Variants in SLC12A7 observed in about 807,000 individuals in gnomAD.
SLC12A7 encodes the protein solute carrier family 12 member 7.
A neutral mutation model predicts 120.6 loss-of-function variants in SLC12A7; 100 were observed. The observed-to-expected ratio is 0.83, with a 90% CI of 0.71 to 0.98. The LOEUF (loss-of-function observed/expected upper bound fraction) is 0.98, where lower values mean the gene tolerates loss of function less well. Ranked by LOEUF, SLC12A7 falls within the 50% of genes least tolerant of loss-of-function variation. The pLI is 0.00. For synonymous variants in SLC12A7, 760 were observed against 678.0 expected, an observed-to-expected ratio of 1.12 and a Z score of -1.88; for missense variants, 1,373 against 1,548.1, an observed-to-expected ratio of 0.89 and a Z score of 1.90.
At chr5:1,092,561 T>C (rs1740639359) in intron 3 of SLC12A7, among the ~76,000 whole-genome samples, 1 of 152,146 alleles carries the variant, frequency 6.6e-6, no homozygotes, top group South Asian at 2.1e-4. Flanking sequence ...ATAGGGGAAT[T>C]TAAAAATCAC....
chr5:1,104,119 C>CT (rs1258473359), intron 1 of SLC12A7, among the ~76,000 whole-genome samples: 1 of 152,190 alleles, frequency 6.6e-6, no homozygotes, highest in Non-Finnish European at 1.5e-5. Context: ...GCCTGGCGCA[C>CT]TTCCCTCCTC....
chr5:1,090,804 G>C (rs1294525677), intron 3 of SLC12A7, among the ~76,000 whole-genome samples: 2 of 152,236 alleles, frequency 1.3e-5, no homozygotes, highest in South Asian at 4.1e-4. Context: ...GGCATGGCCG[G>C]CCTTGGCCTC....
chr5:1,142,065 G>C, the SLC12A7 span, among the ~76,000 whole-genome samples: 8 of 151,910 alleles, frequency 5.3e-5, no homozygotes, highest in Non-Finnish European at 4.4e-5. Flanking sequence ...CTAGAGGCGG[G>C]GCAGGTGGCG....
At chr5:1,058,828 C>T (rs965103907) in intron 21 of SLC12A7, among the ~76,000 whole-genome samples, 76 of 152,210 alleles carry the variant, frequency 5.0e-4, no homozygotes, top group Non-Finnish European at 7.6e-4. Flanking sequence ...CCACCTGGCC[C>T]GAGGGCCACC....
intron 5 of SLC12A7, 79 bp from the exon 6 acceptor site, chr5:1,087,112 A>G (rs968403710): frequency 2.0e-6 from 3 of 1,488,048 alleles, no homozygotes; most frequent in Non-Finnish European, 9.0e-7. Flanking sequence ...GCTGCCATTC[A>G]CGGGCAAAGG....
Position 1,085,395 on chromosome 5 carries a change from G to C in SLC12A7, c.754C>G (p.Arg252Gly), listed in dbSNP as rs762241589. 1 of 1,611,380 alleles carries C rather than the reference G, an allele frequency of 6.2e-7. No individual in the cohort carries two copies. The highest frequency in any genetic ancestry group is 1.7e-5 in the Admixed American group (1 of 59,860). ...ACGAGCGTGCACGTGCCGTACACACGCATGTTGTGCAGCATGGCGGCCGCC... is the reference window on the plus strand; with the variant it reads ...ACGAGCGTGCACGTGCCGTACACACCCATGTTGTGCAGCATGGCGGCCGCC... ...GEAAAMLHNM[R>G]VYGTCTLVLM... Residue 252 changes from arginine to glycine, a missense_variant, in exon 7 of 24, where the codon CGT becomes GGT. Physicochemically the swap from Arg to Gly is moderately radical, Grantham distance 125. Transcript: ENST00000264930.
chr5:1,077,410 C>A (rs369395052), intron 12 of SLC12A7, among the ~76,000 whole-genome samples: 13 of 152,298 alleles, frequency 8.5e-5, no homozygotes, highest in African/African-American at 3.1e-4. Context: ...AGGACCCATG[C>A]GGGCGTCCGT....
Position 1,053,413 on chromosome 5 carries a change from CT to C in SLC12A7, c.3095del (p.Gln1032ArgfsTer30). The C allele has an allele frequency of 6.2e-7, 1 of 1,614,030 alleles. No individual in the cohort carries two copies. The highest frequency in any genetic ancestry group is 8.5e-7 in the Non-Finnish European group (1 of 1,180,016). Reference protein sequence around the residue: ...KLNGVVLNKSQDAQLVLLNMP... With the variant: ...KLNGVVLNKSXDAQLVLLNMP... ...TGTTGAGCAGGACCAGCTGCGCATC[CT>C]GGGACTTGTTGAGGACGACGCCATT... On this transcript the variant is annotated frameshift_variant, in exon 23 of 24. Transcript: ENST00000264930. LOFTEE classifies it high-confidence loss of function.
chr5:1,119,569 T>C, the SLC12A7 span, among the ~76,000 whole-genome samples: 1 of 152,226 alleles, frequency 6.6e-6, no homozygotes, highest in Non-Finnish European at 1.5e-5. Context: ...TGGTCCTGGT[T>C]GGGCGGTGAG....
In SLC12A7 at chr5:1,094,251, A is replaced by G; in HGVS notation, c.125-3T>C. The G allele has an allele frequency of 1.9e-6, 3 of 1,607,074 alleles. No individual in the cohort carries two copies. The highest frequency in any genetic ancestry group is 2.6e-6 in the Non-Finnish European group (3 of 1,174,048). The stretch of plus-strand genomic sequence containing the variant: ...GTTTTCTCTTGGATTTCCATCTCCT[A>G]GTGAGGGAAAAACAATTCAGAGTCA... On this transcript the variant is annotated splice_polypyrimidine_tract_variant and splice_region_variant and intron_variant, in intron 1 of 23. Transcript: ENST00000264930.
chr5:1,085,910 GAC>G (rs1362783601), intron 6 of SLC12A7, among the ~76,000 whole-genome samples: 1 of 152,244 alleles, frequency 6.6e-6, no homozygotes, highest in Non-Finnish European at 1.5e-5. Flanking sequence ...GGACGTCCTG[GAC>G]ACACACAGGG....
chr5:1,085,652 GCGGGGGTC>G, intron 6 of SLC12A7, among the ~76,000 whole-genome samples, 179 bp from the exon 7 acceptor site: 1 of 136,836 alleles, frequency 7.3e-6, no homozygotes, highest in African/African-American at 2.5e-5. Context: ...GACGGAGCCC[GCGGGGGTC>G]AGCGCACAGG....
Position 1,065,232 on chromosome 5 carries a change from GAC to G in SLC12A7, c.2437+49_2437+50del, listed in dbSNP as rs371012692. 1,468 of 1,353,288 alleles carry G rather than the reference GAC, an allele frequency of 1.1e-3. 18 individuals carry two copies. In the African/African-American group the frequency reaches 0.019, roughly 17 times the overall value. 83.8% of individuals were successfully genotyped at this position (1,353,288 alleles called of 1,614,324 possible). ...GGGGACAGCGAGGGGACACTGAGAG[GAC>G]ACAGAGGGGACGGTGAGGGGATGCC... On this transcript the variant is annotated intron_variant, in intron 18 of 23. Transcript: ENST00000264930.
the SLC12A7 span, among the ~76,000 whole-genome samples, chr5:1,130,792 G>A: frequency 1.3e-5 from 2 of 152,240 alleles, no homozygotes; most frequent in Non-Finnish European, 2.9e-5. Flanking sequence ...TGGGAGGGTG[G>A]CAGAAGCGGA....
intron 1 of SLC12A7, among the ~76,000 whole-genome samples, chr5:1,098,867 G>C (rs1461010858): frequency 2.0e-5 from 3 of 151,480 alleles, no homozygotes; most frequent in Non-Finnish European, 4.4e-5. Flanking sequence ...CCTGGCTGCT[G>C]TGAAGGGCAG....
chr5:1,115,321 T>A (rs1434770410), upstream of SLC12A7, among the ~76,000 whole-genome samples: 2 of 152,136 alleles, frequency 1.3e-5, no homozygotes, highest in African/African-American at 4.8e-5. Context: ...TTCTAATGGA[T>A]TAGGACGGAC....
chr5:1,086,862 CAG>C (rs752622796), intron 6 of SLC12A7, 39 bp downstream of exon 6: 1 of 1,603,322 alleles, frequency 6.2e-7, no homozygotes, highest in Non-Finnish European at 8.5e-7. Context: ...CATCCTGCCA[CAG>C]ACTGTGGGGT....
intron 1 of SLC12A7, among the ~76,000 whole-genome samples, chr5:1,097,204 T>C (rs1458188595): frequency 6.6e-6 from 1 of 152,178 alleles, no homozygotes; most frequent in Non-Finnish European, 1.5e-5. Context: ...CCACTGTTTA[T>C]CTGAACTCCT....
At chr5:1,073,346 C>A (rs1045172018) in intron 17 of SLC12A7, among the ~76,000 whole-genome samples, 11 of 152,244 alleles carry the variant, frequency 7.2e-5, no homozygotes, top group Non-Finnish European at 1.3e-4. Flanking sequence ...TGCAGCAGAA[C>A]CATGATTACG....
Sources: allele counts gnomAD v4.1 joint callset (sites outside exome capture counted in the v4.1 genomes callset), GRCh38; gene constraint gnomAD v4.1.1; transcripts MANE v1.5; gene names NCBI Gene and HGNC (gene_info 2026-07-23, HGNC 2026-07-21).